The following KCNN2 variants were observed in gnomAD, a reference collection of about 807,000 sequenced individuals.
KCNN2 encodes the protein small conductance calcium-activated potassium channel protein 2.
Under a neutral mutation model 55.5 loss-of-function variants are expected in KCNN2, and 24 were observed. The observed-to-expected ratio is 0.43, with a 90% CI of 0.31 to 0.61. The LOEUF (loss-of-function observed/expected upper bound fraction) is 0.61. Ranked by LOEUF, KCNN2 falls within the 20% of genes least tolerant of loss-of-function variation. The probability of loss-of-function intolerance (pLI) is 0.08; values close to 1 mark genes in which losing one functional copy is unlikely to be tolerated. For synonymous variants in KCNN2, 431 were observed against 336.1 expected (o/e 1.28, Z -3.09); for missense variants, 754 against 853.6 (o/e 0.88, Z 1.45).
chr5:114,265,752 C>T (rs1379521211), intron 2 of KCNN2, among the ~76,000 whole-genome samples: 1 of 152,198 alleles, frequency 6.6e-6, no homozygotes, highest in Non-Finnish European at 1.5e-5. Flanking sequence ...TGTCTGGGCA[C>T]CCCATGACCC....
chr5:114,362,759 C>T lies in KCNN2; in HGVS notation c.620C>T (p.Pro207Leu), dbSNP rs1757471502. Residue 207 changes from proline to leucine, a missense_variant, in exon 1 of 8, where the codon CCC (proline) becomes CTC (leucine). Transcript: ENST00000673685. ...HQPQARRESN[P>L]FTEIAMSSCR... ...CCCCAGGCGCGCCGCGAGAGCAACC[C>T]CTTCACCGAAATAGCCATGAGCAGC... The T allele has an allele frequency of 3.2e-6, 5 of 1,566,660 alleles. No homozygotes were observed. Among genetic ancestry groups the T allele is most frequent in the Non-Finnish European group, 4.3e-6 (5 of 1,162,536 alleles).
At chr5:114,101,351 A>G (rs1458945998) in intron 1 of KCNN2, among the ~76,000 whole-genome samples, 5 of 151,026 alleles carry the variant, frequency 3.3e-5, no homozygotes, top group Non-Finnish European at 5.9e-5. Context: ...AGTAGGTGTA[A>G]TCACATCTCT....
intron 1 of KCNN2, among the ~76,000 whole-genome samples, chr5:114,215,792 T>C (rs1467821636): frequency 1.3e-5 from 2 of 152,136 alleles, no homozygotes. Flanking sequence ...GTAAATAATT[T>C]TTTGAAGCTC....
At chr5:114,329,014 C>A (rs1756760327) in intron 2 of KCNN2, among the ~76,000 whole-genome samples, 2 of 152,186 alleles carry the variant, frequency 1.3e-5, no homozygotes, top group Non-Finnish European at 2.9e-5. Flanking sequence ...CCTCCTTATT[C>A]CTTACATTGA....
At chr5:114,252,335 G>C in intron 2 of KCNN2, among the ~76,000 whole-genome samples, 1 of 152,088 alleles carries the variant, frequency 6.6e-6, no homozygotes, top group Middle Eastern at 3.2e-3. Flanking sequence ...TATATGAAGA[G>C]ACTCCCTCAG....
intron 1 of KCNN2, among the ~76,000 whole-genome samples, chr5:114,193,083 A>G: frequency 6.6e-6 from 1 of 152,138 alleles, no homozygotes; most frequent in East Asian, 1.9e-4. Context: ...TACTAGTAAA[A>G]TATGTTTGTT....
intron 3 of KCNN2, among the ~76,000 whole-genome samples, chr5:114,413,577 A>C (rs956003310): frequency 8.5e-5 from 13 of 152,272 alleles, no homozygotes; most frequent in South Asian, 6.2e-4. Context: ...GTGAGCCACC[A>C]CACCTGGCCT....
At chr5:114,447,678 GA>G (rs1272549767) in intron 3 of KCNN2, among the ~76,000 whole-genome samples, 6 of 151,494 alleles carry the variant, frequency 4.0e-5, no homozygotes, top group Non-Finnish European at 7.4e-5. Flanking sequence ...TACCTATGGG[GA>G]AAAAAAAAGT....
At chr5:114,098,178 C>A (rs900871193) in intron 1 of KCNN2, among the ~76,000 whole-genome samples, 7 of 152,096 alleles carry the variant, frequency 4.6e-5, no homozygotes, top group African/African-American at 1.7e-4. Context: ...CTTTTAAGGA[C>A]CCTTGTGATT....
At chr5:114,129,676 C>T (rs1051707899) in intron 1 of KCNN2, among the ~76,000 whole-genome samples, 6 of 152,240 alleles carry the variant, frequency 3.9e-5, no homozygotes, top group East Asian at 3.9e-4. Flanking sequence ...ACAGAGGTGA[C>T]GAAGTGAATA....
intron 2 of KCNN2, among the ~76,000 whole-genome samples, chr5:114,349,755 C>T (rs1372944004): frequency 1.3e-5 from 2 of 151,922 alleles, no homozygotes; most frequent in African/African-American, 4.8e-5. Context: ...TTTCATTTCT[C>T]TTGAGTACAT....
chr5:114,162,510 C>T (rs975696298), intron 1 of KCNN2, among the ~76,000 whole-genome samples: 2 of 152,136 alleles, frequency 1.3e-5, no homozygotes, highest in African/African-American at 4.8e-5. Flanking sequence ...GCTGGGAGAA[C>T]CACTACTCTC....
intron 3 of KCNN2, among the ~76,000 whole-genome samples, chr5:114,440,049 A>T (rs182132551): frequency 2.1e-4 from 32 of 152,224 alleles, no homozygotes; most frequent in African/African-American, 7.7e-4. Context: ...CATAAGACAT[A>T]AGCCTCCCTC....
intron 1 of KCNN2, among the ~76,000 whole-genome samples, chr5:114,165,882 G>A (rs1413398441): frequency 6.6e-6 from 1 of 152,058 alleles, no homozygotes; most frequent in African/African-American, 2.4e-5. Context: ...TTAACTGTGT[G>A]GGGGTTGGCG....
chr5:114,442,275 ACTG>A (rs1760246608), intron 3 of KCNN2, among the ~76,000 whole-genome samples: 1 of 149,650 alleles, frequency 6.7e-6, no homozygotes, highest in African/African-American at 2.4e-5. Context: ...TCATATATTT[ACTG>A]TATATATAGA....
chr5:114,477,243 A>G (rs1252987157), intron 5 of KCNN2, among the ~76,000 whole-genome samples: 1 of 152,196 alleles, frequency 6.6e-6, no homozygotes, highest in Non-Finnish European at 1.5e-5. Flanking sequence ...ATGTTAAAAG[A>G]TAGTCTGTTC....
chr5:114,247,202 C>CAAA lies in KCNN2; in HGVS notation c.-185+25656_-185+25658dup, dbSNP rs370172975. On this transcript the variant is annotated intron_variant, in intron 2 of 10. Coordinates refer to the KCNN2 transcript ENST00000512097. ...AGCCAGGCATGGTACCATATGTCTC[C>CAAA]AAAAAAAAAAAAAAAAAAAAAGAAA... 6.5e-3 allele frequency among the ~76,000 whole-genome samples: 443 copies of CAAA among 68,000 alleles called. 2 individuals are homozygous for CAAA. Among genetic ancestry groups the CAAA allele is most frequent in the Middle Eastern group, 0.028 (2 of 72 alleles). 44.6% of individuals were successfully genotyped at this position (68,000 alleles called of 152,430 possible). A position where few individuals can be genotyped will look rare whatever the true frequency, so the allele number is the denominator to read the frequency against.
intron 3 of KCNN2, among the ~76,000 whole-genome samples, chr5:114,436,723 C>T (rs1182960653): frequency 6.6e-6 from 1 of 152,100 alleles, no homozygotes; most frequent in Non-Finnish European, 1.5e-5. Flanking sequence ...GGGAAAAAAT[C>T]GATGAATGAA....
chr5:114,087,488 T>A (rs1219660724), intron 1 of KCNN2, among the ~76,000 whole-genome samples: 7 of 152,190 alleles, frequency 4.6e-5, no homozygotes, highest in African/African-American at 1.2e-4. Flanking sequence ...TTTATTCTTC[T>A]GCATGTGGCT....
Sources: gnomAD v4.1 joint callset for allele counts (sites outside exome capture counted in the v4.1 genomes callset) on GRCh38, gnomAD v4.1.1 for gene constraint, MANE v1.5 for transcripts, NCBI Gene and HGNC (gene_info 2026-07-23, HGNC 2026-07-21) for gene names.